The following NCK1 variants were observed in gnomAD, a reference collection of about 807,000 sequenced individuals.
NCK1 encodes SH2/SH3 adapter protein NCK1.
In NCK1, 19 loss-of-function variants were observed where a neutral mutation model predicts 36.6. The ratio of observed to expected loss-of-function variants is 0.52; its 90% CI spans 0.36 to 0.76. The LOEUF is 0.76. Ranked by LOEUF, NCK1 falls within the 30% of genes least tolerant of loss-of-function variation. The pLI is 0.00. For missense variants in NCK1, 358 were observed against 445.6 expected (o/e 0.80, Z 1.77); for synonymous variants, 165 against 156.0 (o/e 1.06, Z -0.43).
At chr3:136,914,737 T>C (rs1939916302) in intron 1 of NCK1, among the ~76,000 whole-genome samples, 1 of 152,230 alleles carries the variant, frequency 6.6e-6, no homozygotes, top group Non-Finnish European at 1.5e-5. Context: ...ATATTGGGAC[T>C]TGAAATTGGG....
At chr3:136,908,365 G>A (rs534224962) in intron 1 of NCK1, among the ~76,000 whole-genome samples, 23 of 152,284 alleles carry the variant, frequency 1.5e-4, no homozygotes, top group Admixed American at 1.1e-3. Context: ...ATGATAGAGG[G>A]TTTTAAAAGA....
intron 1 of NCK1, among the ~76,000 whole-genome samples, chr3:136,925,949 C>T (rs1472168338): frequency 1.3e-5 from 2 of 152,162 alleles, no homozygotes. Flanking sequence ...ACATTCTCAT[C>T]AGCAGTATAC....
intron 1 of NCK1, among the ~76,000 whole-genome samples, chr3:136,909,511 G>A (rs1429729167): frequency 6.6e-6 from 1 of 152,182 alleles, no homozygotes; most frequent in Non-Finnish European, 1.5e-5. Context: ...CAATTTCAAT[G>A]GCAGAATGTC....
intron 1 of NCK1, among the ~76,000 whole-genome samples, chr3:136,912,465 GT>G (rs1339320036): frequency 1.3e-5 from 2 of 149,392 alleles, no homozygotes; most frequent in Non-Finnish European, 3.0e-5. Flanking sequence ...GATAGTGTCT[GT>G]TTGCCTCTTT....
chr3:136,867,125 TTTCTTTCCTTCC>T lies in NCK1; in HGVS notation c.-19+4776_-19+4787del, dbSNP rs1560028560. On this transcript the variant is annotated intron_variant, in intron 1 of 3. Coordinates refer to ENST00000481752, the MANE Select transcript of NCK1 (RefSeq NM_001291999.2). Reference sequence around the variant, plus strand: ...CTTTCTTTCTTTCTTTCTTTGTTTCTTTCTTTCCTTCCTTCCTTCCTTCCTTCCTTCCTTCCT... The same window carrying T: ...CTTTCTTTCTTTCTTTCTTTGTTTCTTTCCTTCCTTCCTTCCTTCCTTCCT... Among the ~76,000 whole-genome samples the T allele has an allele frequency of 2.7e-3, 67 of 25,178 alleles. 5 individuals are homozygous for T. Among genetic ancestry groups the T allele is most frequent in the Non-Finnish European group, 3.4e-3 (42 of 12,308 alleles). The allele number at this position is 25,178 out of a possible 152,430, so 16.5% of individuals were successfully genotyped here. A position where few individuals can be genotyped will look rare whatever the true frequency, so the allele number is the denominator to read the frequency against.
intron 1 of NCK1, among the ~76,000 whole-genome samples, chr3:136,880,712 C>G (rs1938909763): frequency 6.6e-6 from 1 of 152,054 alleles, no homozygotes; most frequent in Non-Finnish European, 1.5e-5. Context: ...TCAAGGGATC[C>G]TCATGTTTCA....
intron 1 of NCK1, among the ~76,000 whole-genome samples, chr3:136,907,593 C>T (rs771018167): frequency 6.6e-5 from 10 of 152,136 alleles, no homozygotes; most frequent in Non-Finnish European, 1.3e-4. Context: ...GCTGTCTTGC[C>T]TCCTCCTCCT....
chr3:136,899,870 T>C, intron 1 of NCK1: 2 of 1,262,284 alleles, frequency 1.6e-6, no homozygotes, highest in African/African-American at 1.5e-5. Flanking sequence ...AAGCCATCCT[T>C]TTTTTTTTAG....
chr3:136,893,146 T>TTGTGTG lies in NCK1; in HGVS notation c.-19+30793_-19+30794insTGTGTG, dbSNP rs1430611735. 4.9e-5 allele frequency among the ~76,000 whole-genome samples: 4 copies of TTGTGTG among 81,762 alleles called. No individual in the cohort carries two copies. In the South Asian group the frequency reaches 1.9e-3, roughly 38 times the overall value. 53.6% of individuals were successfully genotyped at this position (81,762 alleles called of 152,430 possible). A position where few individuals can be genotyped will look rare whatever the true frequency, so the allele number is the denominator to read the frequency against. On this transcript the variant is annotated intron_variant, in intron 1 of 3. Transcript: ENST00000481752. ...CTTTTTATGGCTAAGTAATATTCCA[T>TTGTGTG]AGTGTGTGTGTGTGTGTGTGTGTGT... is the stretch of plus-strand genomic sequence containing the variant.
chr3:136,943,980 A>G (rs1053386350), intron 2 of NCK1, among the ~76,000 whole-genome samples: 1 of 152,142 alleles, frequency 6.6e-6, no homozygotes, highest in Non-Finnish European at 1.5e-5. Context: ...GTAAGGAGAG[A>G]TGACATAAGA....
At chr3:136,865,846 C>T (rs1938396571) in intron 1 of NCK1, among the ~76,000 whole-genome samples, 1 of 152,212 alleles carries the variant, frequency 6.6e-6, no homozygotes, top group African/African-American at 2.4e-5. Flanking sequence ...CCCTTCAAAA[C>T]TGATTCCATA....
At chr3:136,882,960 C>G (rs1322235581) in intron 1 of NCK1, among the ~76,000 whole-genome samples, 1 of 152,154 alleles carries the variant, frequency 6.6e-6, no homozygotes, top group Non-Finnish European at 1.5e-5. Context: ...ATTCTGTTGC[C>G]CAGGCTGGAG....
chr3:136,930,451 C>G, intron 2 of NCK1: 1 of 1,250,064 alleles, frequency 8.0e-7, no homozygotes, highest in South Asian at 3.5e-5. Context: ...GGCCAGGTCA[C>G]ATGGATTGGG....
At chr3:136,918,913 T>C (rs1379605475) in intron 1 of NCK1, among the ~76,000 whole-genome samples, 1 of 152,256 alleles carries the variant, frequency 6.6e-6, no homozygotes, top group Non-Finnish European at 1.5e-5. Context: ...TGTTCATTAC[T>C]GGCTCACCTC....
At chr3:136,910,990 A>G (rs1288450838) in intron 1 of NCK1, among the ~76,000 whole-genome samples, 1 of 152,126 alleles carries the variant, frequency 6.6e-6, no homozygotes, top group Non-Finnish European at 1.5e-5. Context: ...CAACTTTTTT[A>G]GATTCCACAT....
At chr3:136,940,559 T>C (rs1057265918) in intron 2 of NCK1, among the ~76,000 whole-genome samples, 3 of 152,174 alleles carry the variant, frequency 2.0e-5, no homozygotes, top group African/African-American at 4.8e-5. Context: ...TATATTTATT[T>C]ATTTTTAGAC....
intron 1 of NCK1, among the ~76,000 whole-genome samples, chr3:136,881,190 C>A (rs1010816426): frequency 1.6e-4 from 25 of 151,966 alleles, no homozygotes; most frequent in Admixed American, 1.3e-4. Context: ...AAGCAGCCAT[C>A]ATCTCTTCAC....
In NCK1 at chr3:136,867,124, CTTTCT is replaced by C. The variant is rs1168137799; in HGVS notation, c.-19+4774_-19+4778del. ...TCTTTCTTTCTTTCTTTCTTTGTTT[CTTTCT>C]TTCCTTCCTTCCTTCCTTCCTTCCT... On this transcript the variant is annotated intron_variant, in intron 1 of 3. Coordinates refer to ENST00000481752, the MANE Select transcript of NCK1 (RefSeq NM_001291999.2). Among the ~76,000 whole-genome samples the C allele has an allele frequency of 2.6e-3, 111 of 41,900 alleles. 4 individuals are homozygous for C. The highest frequency in any genetic ancestry group is 9.1e-3 in the East Asian group (15 of 1,652). The allele number at this position is 41,900 out of a possible 152,430, so 27.5% of individuals were successfully genotyped here.
At chr3:136,891,414 C>T (rs1041565781) in intron 1 of NCK1, among the ~76,000 whole-genome samples, 1 of 152,216 alleles carries the variant, frequency 6.6e-6, no homozygotes. Context: ...GGATTACAGG[C>T]ATGAGCCACC....
Sources: allele counts gnomAD v4.1 joint callset (sites outside exome capture counted in the v4.1 genomes callset), GRCh38; gene constraint gnomAD v4.1.1; transcripts MANE v1.5; gene names NCBI Gene and HGNC (gene_info 2026-07-23, HGNC 2026-07-21).